The following TTC28 variants were observed in gnomAD, a reference collection of about 807,000 sequenced individuals.
The protein encoded by TTC28 is tetratricopeptide repeat protein 28.
TTC28 carries 61 observed loss-of-function variants against 198.0 expected under a neutral mutation model. That is an observed-to-expected ratio of 0.31 (90% confidence interval 0.25 to 0.38). TTC28 has a LOEUF of 0.38. TTC28 is among the 10% of genes least tolerant of loss of function. The probability of loss-of-function intolerance (pLI) is 1.00; values close to 1 mark genes in which losing one functional copy is unlikely to be tolerated. For missense variants in TTC28, 2,678 were observed against 3,164.0 expected, an observed-to-expected ratio of 0.85 and a Z score of 3.69; for synonymous variants, 1,171 against 1,297.8, an observed-to-expected ratio of 0.90 and a Z score of 2.10.
chr22:28,514,969 T>C (rs1376331825), intron 2 of TTC28, among the ~76,000 whole-genome samples: 1 of 152,230 alleles, frequency 6.6e-6, no homozygotes, highest in Non-Finnish European at 1.5e-5. Flanking sequence ...TTATTAACTC[T>C]TTCACTGCTG....
Position 28,005,961 on chromosome 22 carries a change from TAGTTCTC to T in TTC28, c.4219-4415_4219-4409del, listed in dbSNP as rs1178903106. Among the ~76,000 whole-genome samples the T allele has an allele frequency of 6.6e-6, 1 of 152,204 alleles. No individual in the cohort carries two copies. Among genetic ancestry groups the T allele is most frequent in the African/African-American group, 2.4e-5 (1 of 41,442 alleles). On this transcript the variant is annotated intron_variant, in intron 14 of 22. Transcript: ENST00000397906. This position sits in a 1 kb window ranked among gnomAD's most constrained non-coding sequence, Gnocchi z 4.9. ...ACAGTTATTTGCCTATCATGGGTAA[TAGTTCTC>T]AATACTAAACATCCGTGGTTAGTCT... is the stretch of plus-strand genomic sequence containing the variant.
At chr22:27,999,935 A>T (rs138651) in intron 15 of TTC28, 10,683 of 152,202 alleles carry the variant, frequency 0.07, 435 homozygotes, top group South Asian at 0.091. Flanking sequence ...CTGCTTGGTG[A>T]TGCCTTAAAC....
At chr22:28,332,397 AC>A (rs1177643009) in intron 2 of TTC28, among the ~76,000 whole-genome samples, 2 of 152,034 alleles carry the variant, frequency 1.3e-5, no homozygotes, top group Non-Finnish European at 2.9e-5. Context: ...TGAATTTCTC[AC>A]ATTAAAAGCC....
At chr22:28,108,855 C>G (rs555713114) in intron 6 of TTC28, among the ~76,000 whole-genome samples, 69 of 152,182 alleles carry the variant, frequency 4.5e-4, no homozygotes, top group Non-Finnish European at 8.2e-4. Flanking sequence ...AGGGAAAATG[C>G]TAATTTCCTT....
At chr22:28,379,172 A>AT (rs2046458147) in intron 2 of TTC28, among the ~76,000 whole-genome samples, 2 of 152,302 alleles carry the variant, frequency 1.3e-5, no homozygotes, top group East Asian at 1.9e-4. Context: ...AAGCAAAAAA[A>AT]ATATATAATT....
chr22:28,066,761 C>G (rs1018519919), intron 12 of TTC28, among the ~76,000 whole-genome samples: 6 of 152,124 alleles, frequency 3.9e-5, no homozygotes, highest in Admixed American at 1.3e-4. Flanking sequence ...CACTTCTGGC[C>G]CTGGCTACAG....
At chr22:28,655,874 A>C (rs77866201) in intron 1 of TTC28, among the ~76,000 whole-genome samples, 32 of 149,480 alleles carry the variant, frequency 2.1e-4, no homozygotes, top group Non-Finnish European at 6.0e-5. Flanking sequence ...AAAAAAAAAA[A>C]CTTCCCCCAC....
At chr22:28,066,557 A>G (rs949976644) in intron 12 of TTC28, among the ~76,000 whole-genome samples, 33 of 152,142 alleles carry the variant, frequency 2.2e-4, no homozygotes, top group African/African-American at 7.7e-4. Context: ...TTTATAGTCT[A>G]CATATGAGCT....
intron 2 of TTC28, among the ~76,000 whole-genome samples, chr22:28,521,092 T>C (rs1239479375): frequency 1.3e-5 from 2 of 151,746 alleles, no homozygotes; most frequent in Non-Finnish European, 2.9e-5. Flanking sequence ...AAAATCCAAA[T>C]AATATATATG....
chr22:28,186,430 G>A (rs1485447165), intron 5 of TTC28, among the ~76,000 whole-genome samples: 1 of 152,168 alleles, frequency 6.6e-6, no homozygotes, highest in Non-Finnish European at 1.5e-5. Context: ...CCGAATGCCT[G>A]TAACTACAGA....
chr22:28,042,623 C>T (rs1440407620), intron 12 of TTC28, among the ~76,000 whole-genome samples: 1 of 151,794 alleles, frequency 6.6e-6, no homozygotes, highest in Non-Finnish European at 1.5e-5. Flanking sequence ...GGAGAAATAC[C>T]TAATGTAAAT....
intron 6 of TTC28, among the ~76,000 whole-genome samples, chr22:28,136,649 G>C (rs951269764): frequency 1.3e-5 from 2 of 152,186 alleles, no homozygotes; most frequent in Non-Finnish European, 2.9e-5. Flanking sequence ...TTCCACTTCT[G>C]TGTCCCTGCT....
At chr22:28,497,278 G>A (rs548430662) in intron 2 of TTC28, among the ~76,000 whole-genome samples, 2 of 152,048 alleles carry the variant, frequency 1.3e-5, no homozygotes, top group African/African-American at 4.8e-5. Flanking sequence ...TTTACTGAAC[G>A]TATAAAAAGG....
At chr22:28,163,005 C>G (rs1921406149) in intron 6 of TTC28, 87 bp downstream of exon 6, 75 of 1,393,356 alleles carry the variant, frequency 5.4e-5, no homozygotes, top group Non-Finnish European at 6.9e-5. Flanking sequence ...TATAAACACA[C>G]AGATTCCTAT....
chr22:28,375,641 T>C (rs1051310153), intron 2 of TTC28, among the ~76,000 whole-genome samples: 1 of 152,184 alleles, frequency 6.6e-6, no homozygotes, highest in Non-Finnish European at 1.5e-5. Context: ...GGTGTCAATT[T>C]GACAAGATTA....
intron 2 of TTC28, among the ~76,000 whole-genome samples, chr22:28,520,526 C>T (rs1179370798): frequency 6.6e-6 from 1 of 152,188 alleles, no homozygotes; most frequent in Non-Finnish European, 1.5e-5. Context: ...GACCAACTCA[C>T]CTATCAAAAC....
At chr22:28,084,886 C>A (rs1028135563) in intron 12 of TTC28, among the ~76,000 whole-genome samples, 1 of 151,938 alleles carries the variant, frequency 6.6e-6, no homozygotes, top group African/African-American at 2.4e-5. Flanking sequence ...GTAGTCGATG[C>A]GATCAACTGG....
intron 12 of TTC28, among the ~76,000 whole-genome samples, chr22:28,052,829 G>T (rs941438658): frequency 6.6e-6 from 1 of 152,356 alleles, no homozygotes; most frequent in Middle Eastern, 3.4e-3. Context: ...GTGGCAGGTT[G>T]CCCTGTGGCT....
At chr22:28,389,377 C>G (rs1214132875) in intron 2 of TTC28, among the ~76,000 whole-genome samples, 8 of 151,338 alleles carry the variant, frequency 5.3e-5, no homozygotes, top group African/African-American at 1.9e-4. Flanking sequence ...AGGGAGGATT[C>G]CCTCTTTTTC....
Sources: allele counts gnomAD v4.1 joint callset (sites outside exome capture counted in the v4.1 genomes callset), GRCh38; gene constraint gnomAD v4.1.1; non-coding constraint Gnocchi (gnomAD v3.1); transcripts MANE v1.5; gene names NCBI Gene and HGNC (gene_info 2026-07-23, HGNC 2026-07-21).